Variants in ZBTB20 observed in about 807,000 individuals in gnomAD.
ZBTB20 encodes the protein zinc finger and BTB domain containing 20, also known as zinc finger and BTB domain-containing protein 20.
Under a neutral mutation model 56.9 loss-of-function variants are expected in ZBTB20, and 9 were observed. The observed-to-expected ratio is 0.16, with a 90% confidence interval of 0.10 to 0.28. ZBTB20 has a LOEUF of 0.28. Among genes scored for constraint, ZBTB20 ranks in the 10% least tolerant of loss-of-function variants. The probability of loss-of-function intolerance (pLI) is 1.00; values close to 1 mark genes in which losing one functional copy is unlikely to be tolerated. For synonymous variants in ZBTB20, 417 were observed against 420.7 expected, an observed-to-expected ratio of 0.99 and a Z score of 0.11; for missense variants, 655 against 1,003.0, an observed-to-expected ratio of 0.65 and a Z score of 4.69.
chr3:114,318,864 T>G lies in ZBTB20; in HGVS notation c.*20141A>C, dbSNP rs914922336. On this transcript the variant is annotated 3_prime_UTR_variant, in exon 12 of 12. Coordinates refer to ENST00000675478, the MANE Select transcript of ZBTB20 (RefSeq NM_001348800.3). ...GAAGAGAAAAGGGGTTTCCCATAATTGGTTGAAGACACAGGGTGGTAAAAT... is the reference window on the plus strand; with the variant it reads ...GAAGAGAAAAGGGGTTTCCCATAATGGGTTGAAGACACAGGGTGGTAAAAT... The G allele has an allele frequency of 3.3e-5, 5 of 152,164 alleles. No homozygotes were observed. Among genetic ancestry groups the G allele is most frequent in the Admixed American group, 6.5e-5 (1 of 15,276 alleles). 9.4% of individuals were successfully genotyped at this position (152,164 alleles called of 1,614,324 possible).
intron 6 of ZBTB20, among the ~76,000 whole-genome samples, chr3:114,535,234 A>AGCT (rs760727410): frequency 1.3e-5 from 2 of 152,208 alleles, no homozygotes; most frequent in Non-Finnish European, 2.9e-5. Flanking sequence ...CAAAGCAGAT[A>AGCT]GACCGCTAGC....
At chr3:114,917,010 G>A (rs2075770683) in intron 3 of ZBTB20, among the ~76,000 whole-genome samples, 1 of 152,032 alleles carries the variant, frequency 6.6e-6, no homozygotes, top group South Asian at 2.1e-4. Flanking sequence ...TCACTTTTAA[G>A]ACCAATAACT....
intron 5 of ZBTB20, among the ~76,000 whole-genome samples, chr3:114,708,713 G>GA (rs1295825510): frequency 2.0e-5 from 3 of 152,070 alleles, no homozygotes; most frequent in Non-Finnish European, 2.9e-5. Flanking sequence ...ATATGTACAG[G>GA]AAAATATATT....
chr3:114,921,282 C>G (rs1338502542), intron 3 of ZBTB20, among the ~76,000 whole-genome samples: 1 of 152,060 alleles, frequency 6.6e-6, no homozygotes, highest in Non-Finnish European at 1.5e-5. Flanking sequence ...ACCACTACAC[C>G]CAGCTAGTTT....
chr3:114,427,786 T>C (rs1316564929), intron 7 of ZBTB20, among the ~76,000 whole-genome samples: 3 of 152,362 alleles, frequency 2.0e-5, no homozygotes, highest in Admixed American at 2.0e-4. Flanking sequence ...GTTAAGACTT[T>C]CTTTTTCTTC....
intron 6 of ZBTB20, among the ~76,000 whole-genome samples, chr3:114,597,596 G>T (rs2056422584): frequency 6.6e-6 from 1 of 152,090 alleles, no homozygotes; most frequent in Non-Finnish European, 1.5e-5. Context: ...TCATGCCAAG[G>T]CACACAAACA....
chr3:114,663,019 A>G (rs1470638014), intron 6 of ZBTB20, among the ~76,000 whole-genome samples: 1 of 150,596 alleles, frequency 6.6e-6, no homozygotes, highest in Admixed American at 6.7e-5. Flanking sequence ...CAACGTTCAG[A>G]TTCAGGAAAT....
chr3:115,135,586 T>C (rs2084631656), intron 1 of ZBTB20, among the ~76,000 whole-genome samples: 1 of 152,172 alleles, frequency 6.6e-6, no homozygotes, highest in Admixed American at 6.5e-5. Context: ...TTTGCTGTAG[T>C]TTCAGTTAGA....
intron 6 of ZBTB20, among the ~76,000 whole-genome samples, chr3:114,567,546 T>G (rs1014108035): frequency 6.6e-6 from 1 of 152,186 alleles, no homozygotes; most frequent in East Asian, 1.9e-4. Flanking sequence ...TTTTGCTACA[T>G]TGTCCTACAC....
At chr3:114,890,595 T>C (rs1302537558) in intron 4 of ZBTB20, among the ~76,000 whole-genome samples, 2 of 152,060 alleles carry the variant, frequency 1.3e-5, no homozygotes, top group Non-Finnish European at 2.9e-5. Flanking sequence ...ACACCGGGCC[T>C]GTCCTGGGGT....
At chr3:114,892,669 G>T (rs2076861693) in intron 4 of ZBTB20, among the ~76,000 whole-genome samples, 1 of 151,798 alleles carries the variant, frequency 6.6e-6, no homozygotes, top group South Asian at 2.1e-4. Flanking sequence ...AAAACAAGCA[G>T]GTGCTAGCAA....
chr3:114,568,099 G>A (rs780908524), intron 6 of ZBTB20, among the ~76,000 whole-genome samples: 9 of 152,190 alleles, frequency 5.9e-5, no homozygotes, highest in Non-Finnish European at 1.3e-4. Context: ...CCAGAGAGAC[G>A]GAGAGATAAC....
At chr3:115,113,994 T>C (rs567028205) in intron 1 of ZBTB20, among the ~76,000 whole-genome samples, 7 of 152,146 alleles carry the variant, frequency 4.6e-5, no homozygotes, top group Non-Finnish European at 8.8e-5. Flanking sequence ...ATATGCATAA[T>C]TATTTATAAT....
chr3:114,950,454 T>C (rs2077027206), intron 3 of ZBTB20, among the ~76,000 whole-genome samples: 1 of 152,112 alleles, frequency 6.6e-6, no homozygotes, highest in Admixed American at 6.6e-5. Context: ...TACTTAAGGG[T>C]GAGCCCTTCT....
At position 114,330,531 on chromosome 3, in the gene ZBTB20, A is replaced by T. The variant is rs1263907783; in HGVS notation, c.*8474T>A. ...TCACTAGTACTGTTAATTAAAGGAA[A>T]AAATAAAACCGAAACAACTAATTGT... On this transcript the variant is annotated 3_prime_UTR_variant, in exon 12 of 12. Transcript: ENST00000675478. 6.6e-6 allele frequency: 1 copy of T among 152,232 alleles called. No homozygotes were observed. The highest frequency in any genetic ancestry group is 2.4e-5 in the African/African-American group (1 of 41,464). 9.4% of individuals were successfully genotyped at this position (152,232 alleles called of 1,614,324 possible).
chr3:114,375,255 C>T (rs1336816691), intron 10 of ZBTB20, among the ~76,000 whole-genome samples: 1 of 152,170 alleles, frequency 6.6e-6, no homozygotes, highest in Non-Finnish European at 1.5e-5. Flanking sequence ...TATACTCAAG[C>T]ATTCGCATTT....
chr3:114,964,571 A>C (rs2077576225), intron 3 of ZBTB20, among the ~76,000 whole-genome samples: 1 of 152,232 alleles, frequency 6.6e-6, no homozygotes, highest in African/African-American at 2.4e-5. Context: ...GGTCATGTGC[A>C]GACTATAGCA....
intron 1 of ZBTB20, among the ~76,000 whole-genome samples, chr3:115,077,970 A>C (rs974797783): frequency 1.1e-4 from 16 of 152,218 alleles, no homozygotes; most frequent in African/African-American, 3.9e-4. Context: ...AAATCATTTA[A>C]TCCTCAGGAC....
intron 2 of ZBTB20, among the ~76,000 whole-genome samples, chr3:115,023,522 C>T (rs2080291018): frequency 6.6e-6 from 1 of 150,826 alleles, no homozygotes; most frequent in Non-Finnish European, 1.5e-5. Flanking sequence ...TATCCCCTCT[C>T]GTAGTCATCT....
Sources: allele counts gnomAD v4.1 joint callset (sites outside exome capture counted in the v4.1 genomes callset), GRCh38; gene constraint gnomAD v4.1.1; transcripts MANE v1.5; gene names NCBI Gene and HGNC (gene_info 2026-07-23, HGNC 2026-07-21).